The following PRAMEF20 variants were observed in gnomAD, a reference collection of about 807,000 sequenced individuals.
The protein encoded by PRAMEF20 is PRAME family member 20, also known as PRAME family member 20/21.
In PRAMEF20, 27 loss-of-function variants were observed where a neutral mutation model predicts 32.4. The ratio of observed to expected loss-of-function variants is 0.83; its 90% CI spans 0.61 to 1.15. The LOEUF (loss-of-function observed/expected upper bound fraction) is 1.15. Ranked by LOEUF, PRAMEF20 falls within the 50% of genes most tolerant of loss-of-function variation. The pLI is 0.00. For synonymous variants in PRAMEF20, 256 were observed against 235.4 expected, an observed-to-expected ratio of 1.09 and a Z score of -0.80; for missense variants, 604 against 584.5, an observed-to-expected ratio of 1.03 and a Z score of -0.34.
chr1:13,410,538 A>G, the PRAMEF20 span: 1 of 151,746 alleles, frequency 6.6e-6, no homozygotes, highest in Non-Finnish European at 1.5e-5. Flanking sequence ...GTAAGTCCCT[A>G]ATCTCTGTAA....
chr1:13,415,975 G>A (rs969316292), upstream of PRAMEF20, among the ~76,000 whole-genome samples: 8 of 152,250 alleles, frequency 5.3e-5, no homozygotes, highest in Middle Eastern at 3.2e-3. Context: ...GAGAATGTAG[G>A]CATGTAGGCT....
At chr1:13,420,053 G>C (rs1232810979) in intron 2 of PRAMEF20, among the ~76,000 whole-genome samples, 1 of 152,166 alleles carries the variant, frequency 6.6e-6, no homozygotes, top group Non-Finnish European at 1.5e-5. Context: ...GCAGGATCCT[G>C]CCTGGGTTTG....
At chr1:13,410,772 A>G in the PRAMEF20 span, among the ~76,000 whole-genome samples, 1 of 149,084 alleles carries the variant, frequency 6.7e-6, no homozygotes, top group Non-Finnish European at 1.5e-5. Flanking sequence ...CAATCCCAAC[A>G]CTCTCGGAGG....
chr1:13,418,376 G>T (rs917369308), exon 2 of PRAMEF20: 43 of 1,613,750 alleles, frequency 2.7e-5, no homozygotes, highest in Non-Finnish European at 3.5e-5. Flanking sequence ...GTACACCTGT[G>T]CTGTAAGAAG....
chr1:13,416,624 C>G, exon 1 of PRAMEF20: 1 of 1,614,154 alleles, frequency 6.2e-7, no homozygotes, highest in East Asian at 2.2e-5. Flanking sequence ...CACTGCTTAC[C>G]CACAGGGTTC....
intron 2 of PRAMEF20, 91 bp from the exon 4 acceptor site, chr1:13,420,606 G>A: frequency 3.8e-6 from 6 of 1,569,732 alleles, no homozygotes; most frequent in Non-Finnish European, 5.3e-6. Flanking sequence ...TGGGCAAAAT[G>A]GTCTCCATCC....
chr1:13,416,583 A>G, exon 1 of PRAMEF20: 6 of 1,613,940 alleles, frequency 3.7e-6, no homozygotes, highest in Non-Finnish European at 5.1e-6. Flanking sequence ...TTGCCCAGAG[A>G]CCTTCCAAGC....
At chr1:13,413,748 C>A (rs971162938), upstream of PRAMEF20, among the ~76,000 whole-genome samples, 2 of 151,998 alleles carry the variant, frequency 1.3e-5, no homozygotes, top group African/African-American at 4.8e-5. Flanking sequence ...AGACCTGAGG[C>A]CTGGAGTTAC....
At chr1:13,420,629 T>G in intron 2 of PRAMEF20, 68 bp from the exon 4 acceptor site, 2 of 1,607,736 alleles carry the variant, frequency 1.2e-6, no homozygotes, top group South Asian at 2.2e-5. Flanking sequence ...CACTTTGAAG[T>G]CATTCCCTAC....
upstream of PRAMEF20, among the ~76,000 whole-genome samples, chr1:13,414,223 T>C (rs1478472473): frequency 8.2e-6 from 1 of 122,190 alleles, no homozygotes; most frequent in Non-Finnish European, 1.8e-5. Context: ...TTTTTTTTTT[T>C]TTTTTTTTTG....
At chr1:13,410,692 C>T in the PRAMEF20 span, 3 of 143,112 alleles carry the variant, frequency 2.1e-5, no homozygotes, top group African/African-American at 7.8e-5. Flanking sequence ...GTCTTCATTT[C>T]AAAAAATTTG....
chr1:13,416,321 G>C, upstream of PRAMEF20: 1 of 1,612,138 alleles, frequency 6.2e-7, no homozygotes, highest in Non-Finnish European at 8.5e-7. Flanking sequence ...CTCTGGATTT[G>C]TCCTCTGGAA....
rs1641207200 is a variant in PRAMEF20 at position 13,418,449 on chromosome 1, C to A, written c.615C>A (p.Asp205Glu). ...ACATCCTGAAAACAGTCAACCTAGACTGTATCCAGGAGGTGGAAGTGAATT... is the reference window on the plus strand; with the variant it reads ...ACATCCTGAAAACAGTCAACCTAGAATGTATCCAGGAGGTGGAAGTGAATT... Residue 205 changes from aspartate (D) to glutamate (E), a missense_variant, in exon 2 of 3, where the codon GAC becomes GAA. Transcript: ENST00000602960. The A allele has an allele frequency of 3.7e-6, 6 of 1,613,950 alleles. 1 individual carries two copies. The African/African-American group carries it at 5.3e-5, about 14-fold the overall frequency.
At chr1:13,418,240 C>G (rs1198322313) in exon 2 of PRAMEF20, 5 of 1,613,696 alleles carry the variant, frequency 3.1e-6, no homozygotes, top group Non-Finnish European at 4.2e-6. Context: ...AAAACCACTG[C>G]AGGACTGTCC....
chr1:13,418,884 G>T (rs1241412807), intron 2 of PRAMEF20, among the ~76,000 whole-genome samples, 184 bp downstream of exon 3: 1 of 152,222 alleles, frequency 6.6e-6, no homozygotes, highest in Non-Finnish European at 1.5e-5. Flanking sequence ...AATCAGCTGG[G>T]GTAGATGCTA....
In PRAMEF20 at chr1:13,416,509, T is replaced by G. The variant is rs765674851; in HGVS notation, c.155T>G (p.Leu52Arg). Residue 52 changes from leucine to arginine, a missense_variant, in exon 1 of 3, where the codon CTG becomes CGG. Transcript: ENST00000602960. Reference sequence around the variant, plus strand: ...TTCAGCAGGAGACACTGTGAGGCCCTGAAGCTGATGGTGCAGGCCTGGCCT... The same window carrying G: ...TTCAGCAGGAGACACTGTGAGGCCCGGAAGCTGATGGTGCAGGCCTGGCCT... 8.7e-6 allele frequency: 14 copies of G among 1,614,034 alleles called. 2 individuals are homozygous for G. The South Asian group carries it at 1.5e-4, about 18-fold the overall frequency.
At chr1:13,416,742 T>G (rs1017688072) in intron 1 of PRAMEF20, 101 bp downstream of exon 2, 1 of 1,593,624 alleles carries the variant, frequency 6.3e-7, no homozygotes, top group South Asian at 1.1e-5. Context: ...GCCCACAGGC[T>G]TCTAATGGTT....
intron 2 of PRAMEF20, 92 bp downstream of exon 3, chr1:13,418,792 A>T (rs1336750579): frequency 6.6e-5 from 105 of 1,595,876 alleles, no homozygotes; most frequent in Non-Finnish European, 8.8e-5. Flanking sequence ...ATGAGGATGT[A>T]ACAGTAAAGG....
chr1:13,411,222 G>T, the PRAMEF20 span, among the ~76,000 whole-genome samples: 1 of 152,216 alleles, frequency 6.6e-6, no homozygotes, highest in East Asian at 1.9e-4. Flanking sequence ...CCAGCTATTT[G>T]GGTGGCTGAG....
Sources: allele counts gnomAD v4.1 joint callset (sites outside exome capture counted in the v4.1 genomes callset), GRCh38; gene constraint gnomAD v4.1.1; transcripts MANE v1.5; gene names NCBI Gene and HGNC (gene_info 2026-07-23, HGNC 2026-07-21).